The following SYNJ2 variants were observed in gnomAD, a reference collection of about 807,000 sequenced individuals.
SYNJ2 encodes the protein synaptojanin 2.
SYNJ2 carries 116 observed loss-of-function variants against 141.3 expected under a neutral mutation model. The observed-to-expected ratio is 0.82, with a 90% CI of 0.71 to 0.96. The LOEUF is 0.96. SYNJ2 is among the 40% of genes least tolerant of loss of function. The pLI is 0.00. For missense variants in SYNJ2, 1,873 were observed against 1,934.8 expected, an observed-to-expected ratio of 0.97 and a Z score of 0.60; for synonymous variants, 745 against 777.7, an observed-to-expected ratio of 0.96 and a Z score of 0.70.
intron 5 of SYNJ2, among the ~76,000 whole-genome samples, chr6:158,046,235 C>T (rs530256516): frequency 6.0e-4 from 92 of 152,080 alleles, no homozygotes; most frequent in African/African-American, 2.1e-3. Context: ...CGTGAGCCAT[C>T]GCGCCCGGCC....
At position 157,982,050 on chromosome 6, in the gene SYNJ2, A is replaced by G; in HGVS notation, c.89A>G (p.Asp30Gly). 1 of 1,337,252 alleles carries G rather than the reference A, an allele frequency of 7.5e-7. No individual in the cohort carries two copies. Among genetic ancestry groups the G allele is most frequent in the Non-Finnish European group, 9.6e-7 (1 of 1,046,940 alleles). The allele number at this position is 1,337,252 out of a possible 1,614,324, so 82.8% of individuals were successfully genotyped here. A position where few individuals can be genotyped will look rare whatever the true frequency, so the allele number is the denominator to read the frequency against. ...SVLLEARGRD[D>G]CLLFEAGTVA... is the part of the protein sequence containing the mutation. ...CTGCTGGAGGCGCGCGGCCGCGACGACTGCCTGCTGTTCGAGGCCGGCACG... is the reference window on the plus strand; with the variant it reads ...CTGCTGGAGGCGCGCGGCCGCGACGGCTGCCTGCTGTTCGAGGCCGGCACG... Residue 30 changes from aspartate (D) to glycine (G), a missense_variant, in exon 1 of 27, where the codon GAC becomes GGC. Asp to Gly is a moderately conservative substitution (Grantham distance 94). Coordinates refer to ENST00000355585, the MANE Select transcript of SYNJ2 (RefSeq NM_003898.4). This position sits in a 1 kb window ranked among gnomAD's most constrained non-coding sequence, Gnocchi z 4.0.
intron 4 of SYNJ2, among the ~76,000 whole-genome samples, chr6:158,034,921 C>A (rs143615358): frequency 1.3e-5 from 2 of 152,278 alleles, no homozygotes; most frequent in Non-Finnish European, 2.9e-5. Context: ...ATCCCAGCAC[C>A]GTTTATTGAA....
intron 8 of SYNJ2, among the ~76,000 whole-genome samples, chr6:158,063,409 C>T (rs1781344152): frequency 6.6e-6 from 1 of 151,968 alleles, no homozygotes; most frequent in South Asian, 2.1e-4. Context: ...ACCTGTAATC[C>T]CAGCACTTTG....
chr6:158,003,655 T>C (rs561420384), intron 1 of SYNJ2, among the ~76,000 whole-genome samples: 4 of 152,330 alleles, frequency 2.6e-5, no homozygotes, highest in Admixed American at 6.5e-5. Context: ...TTAAGGCGTG[T>C]TATTGTGGAA....
chr6:158,048,671 G>C (rs917111943), intron 5 of SYNJ2, among the ~76,000 whole-genome samples: 2 of 152,216 alleles, frequency 1.3e-5, no homozygotes, highest in African/African-American at 4.8e-5. Flanking sequence ...ATGCAGAAAA[G>C]TATGGGAACC....
chr6:158,025,999 A>G (rs1048191541), intron 2 of SYNJ2, among the ~76,000 whole-genome samples: 1 of 152,080 alleles, frequency 6.6e-6, no homozygotes, highest in Non-Finnish European at 1.5e-5. Context: ...ATACATACGT[A>G]CATACATACA....
chr6:158,036,732 G>A (rs147432254), intron 4 of SYNJ2, among the ~76,000 whole-genome samples: 3 of 152,172 alleles, frequency 2.0e-5, no homozygotes, highest in Non-Finnish European at 2.9e-5. Context: ...CATAACATGC[G>A]TTTACCTATG....
At chr6:158,082,716 G>A (rs976003508) in intron 20 of SYNJ2, among the ~76,000 whole-genome samples, 1 of 152,144 alleles carries the variant, frequency 6.6e-6, no homozygotes, top group Non-Finnish European at 1.5e-5. Flanking sequence ...GTCTCACGTT[G>A]GAAGGCAGCT....
chr6:157,996,529 T>C (rs1777639084), intron 1 of SYNJ2, among the ~76,000 whole-genome samples: 1 of 152,152 alleles, frequency 6.6e-6, no homozygotes, highest in African/African-American at 2.4e-5. Flanking sequence ...TTGTTCCTGC[T>C]CAGAATCTTC....
At chr6:158,081,033 T>A in intron 18 of SYNJ2, 76 bp from the exon 19 acceptor site, 1 of 1,370,302 alleles carries the variant, frequency 7.3e-7, no homozygotes, top group Non-Finnish European at 1.0e-6. Context: ...TGTCCCAGGC[T>A]AACTGGGGAC....
intron 1 of SYNJ2, among the ~76,000 whole-genome samples, chr6:158,007,963 A>T (rs1457263138): frequency 6.6e-6 from 1 of 151,932 alleles, no homozygotes; most frequent in Non-Finnish European, 1.5e-5. Context: ...TAATTTCTTT[A>T]AAAATTTTTA....
chr6:158,021,761 T>C (rs1412456656), intron 2 of SYNJ2, among the ~76,000 whole-genome samples: 1 of 152,222 alleles, frequency 6.6e-6, no homozygotes, highest in Non-Finnish European at 1.5e-5. Context: ...TGGGATGCAG[T>C]GTTCTCTAGC....
chr6:158,047,915 G>T lies in SYNJ2; in HGVS notation c.795+4516G>T, dbSNP rs143008396. Among the ~76,000 whole-genome samples the T allele has an allele frequency of 5.8e-3, 872 of 151,474 alleles. 8 individuals carry two copies. The highest frequency in any genetic ancestry group is 0.016 in the African/African-American group (675 of 41,240). ...AAAACCAATGGTGGCATCCGGAGAA[G>T]CATGGCTCTTGGTGCCGTGAGCACT... On this transcript the variant is annotated intron_variant, in intron 5 of 26. Transcript: ENST00000355585.
At chr6:158,076,374 G>A (rs1048822658) in intron 16 of SYNJ2, among the ~76,000 whole-genome samples, 1 of 152,174 alleles carries the variant, frequency 6.6e-6, no homozygotes, top group Non-Finnish European at 1.5e-5. Context: ...CAAGAAGACA[G>A]TGGATAGATC....
chr6:158,002,693 G>T (rs1777907253), intron 1 of SYNJ2, among the ~76,000 whole-genome samples: 1 of 152,164 alleles, frequency 6.6e-6, no homozygotes, highest in Admixed American at 6.5e-5. Flanking sequence ...CACTTGGAGA[G>T]AAATGGGTAT....
At chr6:158,075,786 A>G (rs1184705202) in intron 16 of SYNJ2, among the ~76,000 whole-genome samples, 1 of 152,176 alleles carries the variant, frequency 6.6e-6, no homozygotes, top group Non-Finnish European at 1.5e-5. Flanking sequence ...GAGTGACCAT[A>G]CCAACCTCCT....
intron 1 of SYNJ2, among the ~76,000 whole-genome samples, chr6:157,985,245 T>A (rs1196091895): frequency 6.9e-6 from 1 of 144,124 alleles, no homozygotes; most frequent in Non-Finnish European, 1.5e-5. Flanking sequence ...TGAACCTGTC[T>A]TCACCTGTCT....
chr6:158,072,874 A>C (rs966486758), intron 15 of SYNJ2, among the ~76,000 whole-genome samples: 1 of 152,074 alleles, frequency 6.6e-6, no homozygotes, highest in African/African-American at 2.4e-5. Flanking sequence ...GTTCGAGACC[A>C]GCCTGGCCAA....
rs12663579 is a variant in SYNJ2, at chr6:158,071,567, G to A, written c.1941-35G>A. On this transcript the variant is annotated intron_variant, in intron 14 of 26. Transcript: ENST00000355585. The surrounding 1 kb of genome is among the most constrained non-coding windows in gnomAD (Gnocchi z 4.3). ...AAAGCAGGGTCACACTTCTCCTTCA[G>A]GAGCCGACGGCATGCGCGTATCCTT... is the stretch of plus-strand genomic sequence containing the variant. 3.8e-5 allele frequency: 61 copies of A among 1,594,322 alleles called. No homozygotes were observed. In the Middle Eastern group the frequency reaches 5.0e-4, roughly 13 times the overall value.
Sources: gnomAD v4.1 joint callset for allele counts (sites outside exome capture counted in the v4.1 genomes callset) on GRCh38, gnomAD v4.1.1 for gene constraint, Gnocchi (gnomAD v3.1) non-coding constraint, MANE v1.5 for transcripts, NCBI Gene and HGNC (gene_info 2026-07-23, HGNC 2026-07-21) for gene names.